RGS7BP: variants seen among roughly 807,000 people sequenced by gnomAD.
RGS7BP encodes the protein regulator of G protein signaling 7-binding protein.
In RGS7BP, 9 loss-of-function variants were observed where a neutral mutation model predicts 31.3. The ratio of observed to expected loss-of-function variants is 0.29; its 90% CI spans 0.17 to 0.50. The LOEUF is 0.50. RGS7BP is among the 20% of genes least tolerant of loss of function. RGS7BP has a pLI of 0.98. For missense variants in RGS7BP, 274 were observed against 322.0 expected, an observed-to-expected ratio of 0.85 and a Z score of 1.14; for synonymous variants, 115 against 120.1, an observed-to-expected ratio of 0.96 and a Z score of 0.28.
At chr5:64,574,288 G>T (rs1742367461) in intron 2 of RGS7BP, among the ~76,000 whole-genome samples, 1 of 152,000 alleles carries the variant, frequency 6.6e-6, no homozygotes, top group Non-Finnish European at 1.5e-5. Context: ...GTGTGTGTGT[G>T]TGTCTGGGTG....
chr5:64,597,917 C>G (rs1743117363), intron 4 of RGS7BP, among the ~76,000 whole-genome samples: 1 of 152,172 alleles, frequency 6.6e-6, no homozygotes, highest in African/African-American at 2.4e-5. Flanking sequence ...GAGCAAATAA[C>G]AGCAAGTGAA....
At chr5:64,574,249 C>T (rs573341781) in intron 2 of RGS7BP, among the ~76,000 whole-genome samples, 3 of 151,678 alleles carry the variant, frequency 2.0e-5, no homozygotes, top group South Asian at 4.2e-4. Flanking sequence ...AAGCTGAAGA[C>T]GAGATGAAAT....
intron 2 of RGS7BP, among the ~76,000 whole-genome samples, chr5:64,545,326 A>G (rs1299369856): frequency 2.0e-5 from 3 of 152,140 alleles, no homozygotes; most frequent in African/African-American, 7.2e-5. Context: ...TGATGAGTTA[A>G]TGGGTGCAGC....
At chr5:64,606,650 A>G (rs1743374187) in intron 5 of RGS7BP, among the ~76,000 whole-genome samples, 1 of 152,084 alleles carries the variant, frequency 6.6e-6, no homozygotes, top group Non-Finnish European at 1.5e-5. Context: ...AAGTACATTG[A>G]TCAATTCATG....
At chr5:64,578,066 A>C (rs749391228) in intron 3 of RGS7BP, among the ~76,000 whole-genome samples, 2 of 152,132 alleles carry the variant, frequency 1.3e-5, no homozygotes, top group Non-Finnish European at 2.9e-5. Context: ...TCTGCTAGCT[A>C]TCTGTTTATA....
chr5:64,605,992 TATATGCTATATATATGTATATCTGGATAC>T (rs1743349053), intron 5 of RGS7BP, among the ~76,000 whole-genome samples: 2 of 140,994 alleles, frequency 1.4e-5, no homozygotes, highest in Admixed American at 7.0e-5. Context: ...GATACATATA[TATATGCTATATATATGTATATCTGGATAC>T]ATATATATAT....
Position 64,506,082 on chromosome 5 carries a change from C to A in RGS7BP, c.-543C>A, listed in dbSNP as rs1748667381. On this transcript the variant is annotated 5_prime_UTR_variant, in exon 1 of 6. Transcript: ENST00000334025. This position sits in a 1 kb window ranked among gnomAD's most constrained non-coding sequence, Gnocchi z 4.6. The stretch of plus-strand genomic sequence containing the variant: ...CCTTAGAGACGAGGGATCAAGGCAG[C>A]CGATTAGAGCCAATTGCTTGCTTTG... 6.6e-6 allele frequency among the ~76,000 whole-genome samples: 1 copy of A among 152,112 alleles called. No individual in the cohort carries two copies. Among genetic ancestry groups the A allele is most frequent in the South Asian group, 2.1e-4 (1 of 4,820 alleles).
intron 4 of RGS7BP, 109 bp downstream of exon 4, chr5:64,594,966 T>A: frequency 8.3e-7 from 1 of 1,205,266 alleles, no homozygotes. Context: ...CAGAGCTTTC[T>A]TTGGTATGCC....
chr5:64,609,322 C>A lies in RGS7BP; in HGVS notation c.*70C>A. On this transcript the variant is annotated 3_prime_UTR_variant, in exon 6 of 6. Coordinates refer to ENST00000334025, the MANE Select transcript of RGS7BP (RefSeq NM_001029875.3). ...ACAAAACCCGAGGACCTCCAGACAG[C>A]TGAACCACACAGTTATTGGTTTTTG... The A allele has an allele frequency of 1.2e-6, 1 of 848,876 alleles. No individual in the cohort carries two copies. The highest frequency in any genetic ancestry group is 2.1e-6 in the Non-Finnish European group (1 of 483,802). 52.6% of individuals were successfully genotyped at this position (848,876 alleles called of 1,614,324 possible). A position where few individuals can be genotyped will look rare whatever the true frequency, so the allele number is the denominator to read the frequency against.
intron 2 of RGS7BP, among the ~76,000 whole-genome samples, chr5:64,519,085 A>G (rs1268753654): frequency 6.6e-6 from 1 of 152,160 alleles, no homozygotes; most frequent in African/African-American, 2.4e-5. Context: ...TTCCTAATCT[A>G]TAAGCCAAAG....
At chr5:64,555,821 T>C (rs994290937) in intron 2 of RGS7BP, among the ~76,000 whole-genome samples, 8 of 152,166 alleles carry the variant, frequency 5.3e-5, no homozygotes, top group Non-Finnish European at 1.0e-4. Flanking sequence ...GTAAAATTGG[T>C]ACACATATGC....
chr5:64,596,458 T>C (rs1330481597), intron 4 of RGS7BP, among the ~76,000 whole-genome samples: 1 of 152,176 alleles, frequency 6.6e-6, no homozygotes, highest in African/African-American at 2.4e-5. Flanking sequence ...AAGGTGATTC[T>C]CCTGTGCAGC....
intron 2 of RGS7BP, among the ~76,000 whole-genome samples, chr5:64,569,361 T>TC (rs1343840312): frequency 6.6e-6 from 1 of 152,084 alleles, no homozygotes; most frequent in Admixed American, 6.6e-5. Flanking sequence ...AGCATTTTTC[T>TC]CCATCAGAAA....
At chr5:64,560,521 A>C (rs1742027934) in intron 2 of RGS7BP, among the ~76,000 whole-genome samples, 1 of 146,910 alleles carries the variant, frequency 6.8e-6, no homozygotes, top group African/African-American at 2.5e-5. Flanking sequence ...ATTTAAAAAT[A>C]TGTCTAATAG....
chr5:64,591,529 G>A (rs368678648), intron 3 of RGS7BP, among the ~76,000 whole-genome samples: 1 of 152,012 alleles, frequency 6.6e-6, no homozygotes, highest in African/African-American at 2.4e-5. Flanking sequence ...ACTGGTGGAC[G>A]TAAAGTGTAA....
intron 2 of RGS7BP, among the ~76,000 whole-genome samples, chr5:64,524,606 T>C (rs1044356801): frequency 6.6e-6 from 1 of 152,188 alleles, no homozygotes; most frequent in Non-Finnish European, 1.5e-5. Context: ...GCTAATGCAA[T>C]TGAATTTTTC....
At chr5:64,566,239 A>C (rs935251198) in intron 2 of RGS7BP, among the ~76,000 whole-genome samples, 1 of 151,802 alleles carries the variant, frequency 6.6e-6, no homozygotes, top group African/African-American at 2.4e-5. Context: ...AGCTGTTGAC[A>C]GCTGATGTGA....
intron 2 of RGS7BP, among the ~76,000 whole-genome samples, chr5:64,558,135 T>C (rs1741970502): frequency 6.6e-6 from 1 of 152,044 alleles, no homozygotes; most frequent in South Asian, 2.1e-4. Flanking sequence ...TGGTCTTCCA[T>C]CTGCTTAACT....
At chr5:64,516,919 A>G (rs1748991256) in intron 2 of RGS7BP, among the ~76,000 whole-genome samples, 1 of 152,088 alleles carries the variant, frequency 6.6e-6, no homozygotes, top group South Asian at 2.1e-4. Flanking sequence ...AAAGCTTCCC[A>G]AGTGTGCATC....
Sources: allele counts gnomAD v4.1 joint callset (sites outside exome capture counted in the v4.1 genomes callset), GRCh38; gene constraint gnomAD v4.1.1; non-coding constraint Gnocchi (gnomAD v3.1); transcripts MANE v1.5; gene names NCBI Gene and HGNC (gene_info 2026-07-23, HGNC 2026-07-21).